The following ANXA8 variants were observed in gnomAD, a reference collection of about 807,000 sequenced individuals.
ANXA8 encodes the protein VAC-beta.
ANXA8 carries 9 observed loss-of-function variants against 26.8 expected under a neutral mutation model. The observed-to-expected ratio is 0.34, with a 90% CI of 0.20 to 0.59. ANXA8 has a LOEUF of 0.59. Ranked by LOEUF, ANXA8 falls within the 20% of genes least tolerant of loss-of-function variation. The probability of loss-of-function intolerance (pLI) is 0.84; values close to 1 mark genes in which losing one functional copy is unlikely to be tolerated. For synonymous variants in ANXA8, 39 were observed against 94.8 expected (o/e 0.41, Z 3.42); for missense variants, 83 against 238.5 (o/e 0.35, Z 4.29).
At chr10:47,565,189 G>A in the ANXA8 span, 146 of 680,788 alleles carry the variant, frequency 2.1e-4, no homozygotes, top group Non-Finnish European at 3.1e-4. Flanking sequence ...AGGGCGACGC[G>A]GGCACCCCCT....
the ANXA8 span, among the ~76,000 whole-genome samples, chr10:47,511,221 G>A: frequency 7.1e-6 from 1 of 140,888 alleles, no homozygotes; most frequent in Non-Finnish European, 1.5e-5. Flanking sequence ...GGGATTACAG[G>A]CGTGAGCCAC....
chr10:47,763,495 C>T, the ANXA8 span: 30,796 of 594,440 alleles, frequency 0.052, 422 homozygotes, highest in Non-Finnish European at 0.054. Flanking sequence ...AGGAGCGGCG[C>T]GGCCCAGCCC....
At chr10:47,923,775 C>T in the ANXA8 span, among the ~76,000 whole-genome samples, 2 of 49,644 alleles carry the variant, frequency 4.0e-5, 1 homozygote, top group Non-Finnish European at 8.7e-5. Flanking sequence ...TTCCTCTCCT[C>T]GATGAGATGG....
At chr10:47,733,280 TTTCTTTCTTTCTTTC>T in the ANXA8 span, among the ~76,000 whole-genome samples, 1 of 100,466 alleles carries the variant, frequency 1.0e-5, no homozygotes, top group South Asian at 2.8e-4. Context: ...TCTTTCTTTC[TTTCTTTCTTTCTTTC>T]TTTTTTTTCT....
the ANXA8 span, among the ~76,000 whole-genome samples, chr10:47,959,798 T>C: frequency 6.6e-6 from 1 of 150,480 alleles, no homozygotes; most frequent in Admixed American, 6.6e-5. Context: ...GTGAGCTCTA[T>C]GACTTCTCTG....
At chr10:47,958,788 G>C in the ANXA8 span, among the ~76,000 whole-genome samples, 1 of 149,084 alleles carries the variant, frequency 6.7e-6, no homozygotes, top group Non-Finnish European at 1.5e-5. Context: ...GAGAGAATGA[G>C]TGTTAGCAGG....
At chr10:47,525,355 A>G in the ANXA8 span, among the ~76,000 whole-genome samples, 5 of 141,242 alleles carry the variant, frequency 3.5e-5, 1 homozygote, top group African/African-American at 8.1e-5. Flanking sequence ...GCAGTGAGCC[A>G]AGATCGTGCC....
At chr10:47,616,502 C>T in the ANXA8 span, among the ~76,000 whole-genome samples, 2 of 54,996 alleles carry the variant, frequency 3.6e-5, 1 homozygote, top group Admixed American at 4.2e-4. Flanking sequence ...TTTTCTCTTT[C>T]TCCATCTTGC....
chr10:47,704,808 A>G, the ANXA8 span, among the ~76,000 whole-genome samples: 1 of 152,078 alleles, frequency 6.6e-6, no homozygotes, highest in Non-Finnish European at 1.5e-5. Context: ...AATAAATGTA[A>G]CAAAGTATGT....
chr10:47,624,289 CTCCTCTGATTCT>C, the ANXA8 span, among the ~76,000 whole-genome samples: 3 of 113,978 alleles, frequency 2.6e-5, no homozygotes, highest in Non-Finnish European at 5.8e-5. Flanking sequence ...TCATATGTTT[CTCCTCTGATTCT>C]TCTTAGGCCC....
the ANXA8 span, among the ~76,000 whole-genome samples, chr10:47,513,568 G>A: frequency 2.1e-5 from 3 of 140,734 alleles, no homozygotes; most frequent in African/African-American, 7.7e-5. Flanking sequence ...AACAAGAACC[G>A]GCACAGCCAA....
chr10:47,496,055 C>G, the ANXA8 span, among the ~76,000 whole-genome samples: 3 of 151,440 alleles, frequency 2.0e-5, no homozygotes, highest in African/African-American at 7.3e-5. Flanking sequence ...AGGAGGCTGG[C>G]AGTAGAATCT....
At chr10:47,498,511 C>T in the ANXA8 span, among the ~76,000 whole-genome samples, 4 of 144,022 alleles carry the variant, frequency 2.8e-5, no homozygotes, top group Non-Finnish European at 6.1e-5. Flanking sequence ...TGGCTATATA[C>T]CCAGAAGTGA....
the ANXA8 span, among the ~76,000 whole-genome samples, chr10:47,669,089 C>A: frequency 1.2e-3 from 181 of 151,872 alleles, 3 homozygotes; most frequent in African/African-American, 4.2e-3. Flanking sequence ...CACCAATGTG[C>A]TTTATGTTTC....
At chr10:47,682,049 T>C in the ANXA8 span, among the ~76,000 whole-genome samples, 4 of 151,076 alleles carry the variant, frequency 2.6e-5, no homozygotes, top group South Asian at 2.1e-4. Context: ...TGATCCTCTT[T>C]TTTCCCCCTT....
At chr10:47,651,548 T>C in the ANXA8 span, among the ~76,000 whole-genome samples, 4 of 150,468 alleles carry the variant, frequency 2.7e-5, no homozygotes, top group African/African-American at 9.9e-5. Context: ...ATATTCATAA[T>C]TGTAAAAGAG....
At chr10:47,476,446 G>C in intron 4 of ANXA8, 124 bp from the exon 5 acceptor site, 8 of 1,105,014 alleles carry the variant, frequency 7.2e-6, no homozygotes, top group Non-Finnish European at 1.0e-5. Flanking sequence ...ACTTGAAGTG[G>C]GAGGATGTGA....
chr10:47,561,417 C>A, the ANXA8 span, among the ~76,000 whole-genome samples: 668 of 151,720 alleles, frequency 4.4e-3, 20 homozygotes, highest in African/African-American at 0.015. Context: ...AATGTGTAAT[C>A]TATTATTATT....
chr10:47,481,555 C>T, intron 1 of ANXA8, among the ~76,000 whole-genome samples: 1 of 150,958 alleles, frequency 6.6e-6, no homozygotes, highest in Non-Finnish European at 1.5e-5. Context: ...CTTCCCTCTG[C>T]CCCAGCACTC....
Sources: allele counts gnomAD v4.1 joint callset (sites outside exome capture counted in the v4.1 genomes callset), GRCh38; gene constraint gnomAD v4.1.1; transcripts MANE v1.5; gene names NCBI Gene and HGNC (gene_info 2026-07-23, HGNC 2026-07-21).